Variants in PIBF1 observed in about 807,000 individuals in gnomAD.
PIBF1 encodes the protein progesterone immunomodulatory binding factor 1, also known as progesterone-induced-blocking factor 1.
A neutral mutation model predicts 112.5 loss-of-function variants in PIBF1; 90 were observed. The ratio of observed to expected loss-of-function variants is 0.80; its 90% CI spans 0.67 to 0.95. The LOEUF (loss-of-function observed/expected upper bound fraction) is 0.95. PIBF1 is among the 40% of genes least tolerant of loss of function. The pLI, the probability that PIBF1 is intolerant of heterozygous loss-of-function variation, is 0.00. For missense variants in PIBF1, 915 were observed against 852.3 expected, an observed-to-expected ratio of 1.07 and a Z score of -0.92; for synonymous variants, 301 against 288.6, an observed-to-expected ratio of 1.04 and a Z score of -0.44.
intron 9 of PIBF1, among the ~76,000 whole-genome samples, chr13:72,837,290 A>G (rs1279808126): frequency 6.6e-6 from 1 of 152,078 alleles, no homozygotes; most frequent in Non-Finnish European, 1.5e-5. Flanking sequence ...CTTAGTTTAT[A>G]TTTTAATATT....
At chr13:72,871,221 T>A (rs2039149764) in intron 10 of PIBF1, among the ~76,000 whole-genome samples, 1 of 152,154 alleles carries the variant, frequency 6.6e-6, no homozygotes, top group Admixed American at 6.5e-5. Context: ...GAAAAAAATT[T>A]TTAATGCATT....
chr13:72,969,013 A>C (rs1174769698), intron 15 of PIBF1, among the ~76,000 whole-genome samples: 1 of 151,166 alleles, frequency 6.6e-6, no homozygotes, highest in African/African-American at 2.5e-5. Flanking sequence ...CTGGGTGACA[A>C]AGCAAAACTC....
At chr13:72,918,381 C>CAA (rs1566446329) in intron 13 of PIBF1, among the ~76,000 whole-genome samples, 1 of 131,740 alleles carries the variant, frequency 7.6e-6, no homozygotes, top group Non-Finnish European at 1.6e-5. Context: ...CAGCAACTAC[C>CAA]TATTTTTTTT....
intron 8 of PIBF1, among the ~76,000 whole-genome samples, chr13:72,830,355 G>A (rs1046583187): frequency 1.3e-5 from 2 of 152,134 alleles, no homozygotes; most frequent in African/African-American, 2.4e-5. Context: ...TCTTGTGCCA[G>A]TTTTCAAAGG....
chr13:72,949,300 C>CTTTTTTTTTTTTTTTTTTTTTTT (rs71099771), intron 14 of PIBF1, among the ~76,000 whole-genome samples: 5 of 54,980 alleles, frequency 9.1e-5, no homozygotes, highest in African/African-American at 2.1e-4. Context: ...AAATAGCTGT[C>CTTTTTTTTTTTTTTTTTTTTTTT]TTTTTTTTTT....
intron 5 of PIBF1, 36 bp downstream of exon 5, chr13:72,798,062 T>A: frequency 6.4e-7 from 1 of 1,561,320 alleles, no homozygotes; most frequent in Non-Finnish European, 8.6e-7. Flanking sequence ...GGAAGAAGCT[T>A]CGGCTTTTTC....
chr13:72,860,035 G>A (rs536923086), intron 10 of PIBF1, among the ~76,000 whole-genome samples: 163 of 152,286 alleles, frequency 1.1e-3, no homozygotes, highest in African/African-American at 3.7e-3. Context: ...AAGATAGTAG[G>A]ACTTTTCACA....
intron 9 of PIBF1, among the ~76,000 whole-genome samples, chr13:72,852,537 T>C (rs2038213891): frequency 6.6e-6 from 1 of 152,140 alleles, no homozygotes; most frequent in South Asian, 2.1e-4. Context: ...GAGTACAGCC[T>C]GTGAGGCCGA....
intron 9 of PIBF1, 76 bp from the exon 10 acceptor site, chr13:72,853,981 C>A: frequency 9.0e-7 from 1 of 1,109,074 alleles, no homozygotes; most frequent in Non-Finnish European, 1.4e-6. Context: ...TTAAGATTGT[C>A]AGATAGTCCA....
intron 10 of PIBF1, among the ~76,000 whole-genome samples, chr13:72,861,813 AAAC>A (rs2038710976): frequency 6.6e-6 from 1 of 152,186 alleles, no homozygotes; most frequent in Non-Finnish European, 1.5e-5. Flanking sequence ...TGATCAGAAA[AAAC>A]ACAGCAATCT....
intron 5 of PIBF1, among the ~76,000 whole-genome samples, chr13:72,820,275 G>C (rs2036491149): frequency 1.3e-5 from 2 of 152,088 alleles, no homozygotes; most frequent in African/African-American, 2.4e-5. Flanking sequence ...TGCCTTCCTA[G>C]CCATAACACT....
chr13:72,813,285 A>G (rs1349869427), intron 5 of PIBF1, among the ~76,000 whole-genome samples: 2 of 152,204 alleles, frequency 1.3e-5, no homozygotes, highest in East Asian at 3.8e-4. Flanking sequence ...ATGTGAATGC[A>G]TGTCATTTTT....
chr13:72,977,545 A>T (rs2043055008), intron 16 of PIBF1, among the ~76,000 whole-genome samples: 1 of 152,170 alleles, frequency 6.6e-6, no homozygotes, highest in South Asian at 2.1e-4. Context: ...CTTAGTTCTG[A>T]TTAGGCTGTA....
intron 2 of PIBF1, among the ~76,000 whole-genome samples, chr13:72,790,019 C>G (rs1019416123): frequency 1.3e-5 from 2 of 152,132 alleles, no homozygotes; most frequent in Non-Finnish European, 2.9e-5. Context: ...TGACAGAGGT[C>G]CCCCTTCTTA....
intron 16 of PIBF1, among the ~76,000 whole-genome samples, chr13:72,991,860 A>G (rs2043493145): frequency 6.6e-6 from 1 of 152,010 alleles, no homozygotes; most frequent in South Asian, 2.1e-4. Flanking sequence ...TTGGGACTAC[A>G]GGCGCCCGCC....
intron 2 of PIBF1, among the ~76,000 whole-genome samples, chr13:72,784,819 T>C (rs2034507763): frequency 6.6e-6 from 1 of 152,198 alleles, no homozygotes; most frequent in Non-Finnish European, 1.5e-5. Context: ...TAGATATGGA[T>C]AAATTACTTT....
chr13:72,946,483 A>G lies in PIBF1; in HGVS notation c.1833+15216A>G, dbSNP rs573935017. 1.2e-4 allele frequency among the ~76,000 whole-genome samples: 18 copies of G among 152,242 alleles called. No homozygotes were observed. In the South Asian group the frequency reaches 3.7e-3, roughly 32 times the overall value. ...CTCATGTCCTCATATTTCAAAACACAATCATGCCTTTCCAACAGTTCCCCA... is the reference window on the plus strand; with the variant it reads ...CTCATGTCCTCATATTTCAAAACACGATCATGCCTTTCCAACAGTTCCCCA... On this transcript the variant is annotated intron_variant, in intron 14 of 17. Coordinates refer to ENST00000326291, the MANE Select transcript of PIBF1 (RefSeq NM_006346.4).
chr13:72,866,806 C>T (rs1053909633), intron 10 of PIBF1, among the ~76,000 whole-genome samples: 3 of 151,908 alleles, frequency 2.0e-5, no homozygotes, highest in South Asian at 2.1e-4. Flanking sequence ...GTTTTATTTT[C>T]GTTCCTTATT....
intron 14 of PIBF1, among the ~76,000 whole-genome samples, chr13:72,939,511 T>C (rs977769539): frequency 6.6e-6 from 1 of 152,212 alleles, no homozygotes; most frequent in East Asian, 1.9e-4. Flanking sequence ...TTTCTTTCAC[T>C]GAGCATACTG....
Sources: allele counts gnomAD v4.1 joint callset (sites outside exome capture counted in the v4.1 genomes callset), GRCh38; gene constraint gnomAD v4.1.1; transcripts MANE v1.5; gene names NCBI Gene and HGNC (gene_info 2026-07-23, HGNC 2026-07-21).